TENM1: variants seen among roughly 807,000 people sequenced by gnomAD.
TENM1 encodes teneurin transmembrane protein 1.
Under a neutral mutation model 174.8 loss-of-function variants are expected in TENM1, and 35 were observed. The ratio of observed to expected loss-of-function variants is 0.20; its 90% CI spans 0.15 to 0.27. The LOEUF (loss-of-function observed/expected upper bound fraction) is 0.27, where lower values mean the gene tolerates loss of function less well. TENM1 is among the 10% of genes least tolerant of loss of function. The pLI, the probability that TENM1 is intolerant of heterozygous loss-of-function variation, is 1.00. For missense variants in TENM1, 1,633 were observed against 2,130.1 expected (o/e 0.77, Z 4.59); for synonymous variants, 781 against 798.7 (o/e 0.98, Z 0.37).
rs147065019 is a variant in TENM1 at position 124,405,193 on chromosome X, G to A, written c.5229C>T (p.Ile1743=). Residue 1743 remains isoleucine, a synonymous_variant, in exon 27 of 32, where the codon ATC becomes ATT. Coordinates refer to ENST00000422452, the Ensembl canonical transcript of TENM1. ...GGATGTGGGGCTCTGAGCTGAGGCC[G>A]ATCTCCATCCCGCTGGCAAAAGTGA... 33 of 1,209,696 alleles carry A rather than the reference G, an allele frequency of 2.7e-5. No individual in the cohort carries two copies. In the African/African-American group the frequency reaches 5.1e-4, roughly 19 times the overall value.
intron 23 of TENM1, among the ~76,000 whole-genome samples, chrX:124,448,213 C>T (rs914405500): frequency 2.7e-5 from 3 of 112,083 alleles, no homozygotes; most frequent in African/African-American, 9.7e-5. Flanking sequence ...GCCTATGTAG[C>T]CTGCATAAAG....
At chrX:124,608,523 T>C (rs760914214) in intron 11 of TENM1, among the ~76,000 whole-genome samples, 11 of 111,815 alleles carry the variant, frequency 9.8e-5, no homozygotes, top group Non-Finnish European at 1.7e-4. Flanking sequence ...TTCTTTGCTT[T>C]ACAGTAAGCG....
intron 22 of TENM1, among the ~76,000 whole-genome samples, chrX:124,471,602 G>GTAATATATAATATATAATATAGAT (rs1254951970): frequency 1.4e-5 from 1 of 71,684 alleles, no homozygotes; most frequent in Non-Finnish European, 2.4e-5. Flanking sequence ...ATAATATAGA[G>GTAATATATAATATATAATATAGAT]TAATATATAA....
chrX:124,591,044 T>C (rs1020709806), intron 11 of TENM1, among the ~76,000 whole-genome samples: 1 of 112,054 alleles, frequency 8.9e-6, no homozygotes, highest in African/African-American at 3.2e-5. Flanking sequence ...GATATAAGAA[T>C]AGTGACCCCT....
intron 11 of TENM1, among the ~76,000 whole-genome samples, chrX:124,625,214 TATA>T (rs977858006): frequency 9.0e-6 from 1 of 111,657 alleles, no homozygotes. Flanking sequence ...TTTATTTTTC[TATA>T]ATATCTTGCA....
At chrX:125,063,935 A>T in the TENM1 span, among the ~76,000 whole-genome samples, 1 of 111,911 alleles carries the variant, frequency 8.9e-6, no homozygotes, top group Non-Finnish European at 1.9e-5. Context: ...GATAGACTGG[A>T]TTAAGAAAAT....
At chrX:124,765,792 G>T (rs755639868) in intron 3 of TENM1, among the ~76,000 whole-genome samples, 2 of 111,645 alleles carry the variant, frequency 1.8e-5, no homozygotes, top group Non-Finnish European at 3.8e-5. Flanking sequence ...TAGTTTAAAG[G>T]GTGCTGGTCT....
intron 1 of TENM1, among the ~76,000 whole-genome samples, chrX:124,945,705 AAGGGAGGGTC>A (rs1393591517): frequency 1.8e-5 from 2 of 111,204 alleles, no homozygotes; most frequent in Non-Finnish European, 3.8e-5. Flanking sequence ...GCAGATTTTG[AAGGGAGGGTC>A]AGGAGTTCTG....
the TENM1 span, among the ~76,000 whole-genome samples, chrX:125,007,989 C>G: frequency 9.0e-6 from 1 of 111,104 alleles, no homozygotes; most frequent in Non-Finnish European, 1.9e-5. Flanking sequence ...TGCAAAATAA[C>G]CAGCTAGCAT....
the TENM1 span, among the ~76,000 whole-genome samples, chrX:124,973,557 G>C: frequency 9.0e-6 from 1 of 111,390 alleles, no homozygotes; most frequent in Non-Finnish European, 1.9e-5. Context: ...TTTTCCATTT[G>C]TTTGTGTCCT....
exon 17 of TENM1, chrX:124,523,422 G>A (rs773815758): frequency 1.7e-5 from 20 of 1,209,779 alleles, no homozygotes; most frequent in Middle Eastern, 2.3e-4. Context: ...TGATGTGAGC[G>A]GTGAAGGAAG....
intron 14 of TENM1, among the ~76,000 whole-genome samples, chrX:124,551,514 TAAC>T (rs1278747462): frequency 1.9e-3 from 182 of 97,509 alleles, no homozygotes; most frequent in African/African-American, 6.3e-3. Context: ...TAAGTGTTCT[TAAC>T]ACACACACAC....
chrX:124,738,728 G>A (rs773366899), intron 3 of TENM1, among the ~76,000 whole-genome samples: 2 of 111,680 alleles, frequency 1.8e-5, no homozygotes, highest in Non-Finnish European at 3.8e-5. Flanking sequence ...AAACCTCTGG[G>A]CTCATACTCA....
At chrX:124,761,416 C>G (rs1045677893) in intron 3 of TENM1, among the ~76,000 whole-genome samples, 5 of 108,086 alleles carry the variant, frequency 4.6e-5, no homozygotes, top group African/African-American at 1.4e-4. Flanking sequence ...AGCTGGAAAC[C>G]ATCATTCTCA....
intron 11 of TENM1, among the ~76,000 whole-genome samples, chrX:124,577,696 T>A (rs1030682156): frequency 9.0e-6 from 1 of 111,520 alleles, no homozygotes; most frequent in Non-Finnish European, 1.9e-5. Flanking sequence ...TGTCTTATGC[T>A]ATCGACATTC....
At chrX:125,173,097 C>A in the TENM1 span, among the ~76,000 whole-genome samples, 91 of 111,317 alleles carry the variant, frequency 8.2e-4, no homozygotes, top group Middle Eastern at 4.6e-3. Context: ...CCCAAAGAAA[C>A]CAGCCTAAGC....
chrX:124,948,376 A>C (rs1181032452), intron 1 of TENM1, among the ~76,000 whole-genome samples: 3 of 112,351 alleles, frequency 2.7e-5, no homozygotes, highest in Non-Finnish European at 3.8e-5. Context: ...AAGTTTACAT[A>C]ATCTACAGTG....
chrX:124,678,863 C>T, intron 5 of TENM1, among the ~76,000 whole-genome samples: 1 of 110,820 alleles, frequency 9.0e-6, no homozygotes, highest in Middle Eastern at 4.6e-3. Context: ...GAGACAGGAC[C>T]CCTTTTCATG....
At chrX:124,376,775 TTTTGTTTTG>T (rs1490217568) in exon 32 of TENM1, 3 of 110,357 alleles carry the variant, frequency 2.7e-5, no homozygotes, top group Non-Finnish European at 5.7e-5. Context: ...TTTTTGTTTT[TTTTGTTTTG>T]TTTTGTTTTG....
Sources: allele counts gnomAD v4.1 joint callset (sites outside exome capture counted in the v4.1 genomes callset), GRCh38; gene constraint gnomAD v4.1.1; transcripts MANE v1.5; gene names NCBI Gene and HGNC (gene_info 2026-07-23, HGNC 2026-07-21).